Variants in S100Z observed in about 807,000 individuals in gnomAD.
S100Z encodes the protein protein S100-Z.
A neutral mutation model predicts 8.5 loss-of-function variants in S100Z; 11 were observed. The ratio of observed to expected loss-of-function variants is 1.30; its 90% CI spans 0.82 to 2.15. The LOEUF is 2.15. Among genes scored for constraint, S100Z ranks in the 30% most tolerant of loss-of-function variants. The pLI is 0.00. For synonymous variants in S100Z, 34 were observed against 43.8 expected (o/e 0.78, Z 0.89); for missense variants, 126 against 117.9 (o/e 1.07, Z -0.32).
intron 4 of S100Z, among the ~76,000 whole-genome samples, chr5:76,891,934 T>A (rs552209591): frequency 1.3e-5 from 2 of 152,308 alleles, no homozygotes; most frequent in East Asian, 3.9e-4. Flanking sequence ...TCAAATACAG[T>A]GGCTCACCTG....
intron 2 of S100Z, among the ~76,000 whole-genome samples, chr5:76,871,400 C>T (rs890418147): frequency 2.0e-5 from 3 of 152,104 alleles, no homozygotes; most frequent in African/African-American, 7.2e-5. Context: ...GTTTCATCTA[C>T]ATAAGAAGAA....
At chr5:76,881,926 G>C (rs1217538026) in intron 4 of S100Z, among the ~76,000 whole-genome samples, 1 of 152,214 alleles carries the variant, frequency 6.6e-6, no homozygotes, top group Non-Finnish European at 1.5e-5. Context: ...GCCTTGAGAA[G>C]AGTTTTTATT....
chr5:76,908,898 C>A (rs1006212715), intron 4 of S100Z, among the ~76,000 whole-genome samples: 1 of 152,098 alleles, frequency 6.6e-6, no homozygotes, highest in African/African-American at 2.4e-5. Context: ...CCACTAAATC[C>A]GATTTTTCTC....
chr5:76,912,539 T>G (rs1161419995), intron 4 of S100Z, among the ~76,000 whole-genome samples: 1 of 152,202 alleles, frequency 6.6e-6, no homozygotes, highest in Non-Finnish European at 1.5e-5. Flanking sequence ...GGTGCTTACC[T>G]GAGCCTTAGA....
At chr5:76,892,161 G>A (rs1472700821) in intron 4 of S100Z, among the ~76,000 whole-genome samples, 1 of 152,102 alleles carries the variant, frequency 6.6e-6, no homozygotes, top group Non-Finnish European at 1.5e-5. Context: ...CTCAATAGGT[G>A]GTAACCATGG....
chr5:76,927,238 A>G, the S100Z span, among the ~76,000 whole-genome samples: 7,842 of 152,194 alleles, frequency 0.052, 649 homozygotes, highest in African/African-American at 0.18. Context: ...TCTAAAGCCC[A>G]ATTGCCTCAC....
chr5:76,906,324 T>G (rs1305886212), intron 4 of S100Z, among the ~76,000 whole-genome samples: 1 of 152,214 alleles, frequency 6.6e-6, no homozygotes, highest in African/African-American at 2.4e-5. Flanking sequence ...TTCAAGTATG[T>G]AATACATTAT....
At chr5:76,936,625 A>ACACACG in the S100Z span, among the ~76,000 whole-genome samples, 15 of 130,558 alleles carry the variant, frequency 1.1e-4, no homozygotes, top group African/African-American at 4.7e-4. Flanking sequence ...CTACACACAC[A>ACACACG]CACACACACA....
At chr5:76,903,551 A>C (rs1376548041) in intron 4 of S100Z, among the ~76,000 whole-genome samples, 1 of 152,064 alleles carries the variant, frequency 6.6e-6, no homozygotes, top group Non-Finnish European at 1.5e-5. Context: ...TTTCTCTTTA[A>C]GGTAAGTAGT....
chr5:76,914,690 C>T (rs1744794387), intron 4 of S100Z, among the ~76,000 whole-genome samples: 3 of 151,894 alleles, frequency 2.0e-5, no homozygotes, highest in Non-Finnish European at 4.4e-5. Context: ...CCAGACGTGC[C>T]ACCTTTAAGA....
chr5:76,943,518 C>G, the S100Z span, among the ~76,000 whole-genome samples: 2 of 152,214 alleles, frequency 1.3e-5, no homozygotes, highest in African/African-American at 4.8e-5. Flanking sequence ...AGCTCCAGGG[C>G]TGGATGTCTT....
At chr5:76,886,386 G>C (rs923508810) in intron 4 of S100Z, among the ~76,000 whole-genome samples, 4 of 152,186 alleles carry the variant, frequency 2.6e-5, no homozygotes, top group African/African-American at 9.7e-5. Flanking sequence ...ATTTAAAGGA[G>C]AAAGAGGTTG....
At chr5:76,919,288 C>T (rs1744958466) in intron 4 of S100Z, among the ~76,000 whole-genome samples, 1 of 152,288 alleles carries the variant, frequency 6.6e-6, no homozygotes, top group African/African-American at 2.4e-5. Flanking sequence ...AGTGGCAGTG[C>T]CATTTTGCAT....
At chr5:76,897,635 T>A (rs1744087858) in intron 4 of S100Z, among the ~76,000 whole-genome samples, 1 of 152,120 alleles carries the variant, frequency 6.6e-6, no homozygotes, top group African/African-American at 2.4e-5. Context: ...TCTATTTTTT[T>A]GGTGTCCTCT....
intron 4 of S100Z, among the ~76,000 whole-genome samples, chr5:76,898,014 A>G (rs942507644): frequency 6.6e-6 from 1 of 152,214 alleles, no homozygotes; most frequent in Non-Finnish European, 1.5e-5. Flanking sequence ...GACTTCCAGT[A>G]CTATGTTGCA....
intron 2 of S100Z, among the ~76,000 whole-genome samples, chr5:76,873,694 G>T (rs539057451): frequency 6.6e-6 from 1 of 152,256 alleles, no homozygotes; most frequent in Admixed American, 6.5e-5. Flanking sequence ...GCAAGGCCAG[G>T]GGCAGATGGG....
At chr5:76,943,196 C>T in the S100Z span, among the ~76,000 whole-genome samples, 1 of 152,134 alleles carries the variant, frequency 6.6e-6, no homozygotes, top group Non-Finnish European at 1.5e-5. Flanking sequence ...GGTACCCAGA[C>T]TGTGATGATC....
chr5:76,891,516 C>T lies in S100Z; in HGVS notation c.*2+13682C>T, dbSNP rs75952811. ...CTTCAACTTTGATGTGCATGTGAAT[C>T]ACCTGGAAATCTGACTCAGCTTCAG... On this transcript the variant is annotated intron_variant, in intron 4 of 4. Transcript: ENST00000317593. 9.0e-3 allele frequency among the ~76,000 whole-genome samples: 1,363 copies of T among 152,274 alleles called. 15 individuals carry two copies. The highest frequency in any genetic ancestry group is 0.031 in the African/African-American group (1,291 of 41,558).
intron 3 of S100Z, among the ~76,000 whole-genome samples, chr5:76,877,215 C>T (rs550007207): frequency 1.3e-5 from 2 of 152,136 alleles, no homozygotes; most frequent in Non-Finnish European, 2.9e-5. Flanking sequence ...GATGAAGTAT[C>T]CCTGAAATGT....
Sources: gnomAD v4.1 joint callset for allele counts (sites outside exome capture counted in the v4.1 genomes callset) on GRCh38, gnomAD v4.1.1 for gene constraint, MANE v1.5 for transcripts, NCBI Gene and HGNC (gene_info 2026-07-23, HGNC 2026-07-21) for gene names.